Variants in PICALM observed in about 807,000 individuals in gnomAD.
PICALM encodes the protein phosphatidylinositol-binding clathrin assembly protein.
In PICALM, 40 loss-of-function variants were observed where a neutral mutation model predicts 80.5. That is an observed-to-expected ratio of 0.50 (90% CI 0.39 to 0.65). The LOEUF is 0.65. Ranked by LOEUF, PICALM falls within the 30% of genes least tolerant of loss-of-function variation. PICALM has a pLI of 0.00. For missense variants in PICALM, 676 were observed against 778.9 expected (o/e 0.87, Z 1.57); for synonymous variants, 288 against 260.3 (o/e 1.11, Z -1.02).
chr11:86,024,032 T>C (rs1320541798), intron 3 of PICALM, among the ~76,000 whole-genome samples: 1 of 152,072 alleles, frequency 6.6e-6, no homozygotes, highest in African/African-American at 2.4e-5. Flanking sequence ...CTCAGGAGGC[T>C]GAAGGGAGGA....
At chr11:85,961,632 T>C (rs753037309) in intron 19 of PICALM, among the ~76,000 whole-genome samples, 1 of 152,220 alleles carries the variant, frequency 6.6e-6, no homozygotes, top group African/African-American at 2.4e-5. Flanking sequence ...AAACCCGACA[T>C]GAACCTTTTT....
At chr11:86,024,028 A>C (rs920892229) in intron 3 of PICALM, among the ~76,000 whole-genome samples, 3 of 152,124 alleles carry the variant, frequency 2.0e-5, no homozygotes, top group Non-Finnish European at 2.9e-5. Flanking sequence ...GCTGCTCAGG[A>C]GGCTGAAGGG....
chr11:85,967,259 T>C (rs1452018672), intron 19 of PICALM, among the ~76,000 whole-genome samples: 2 of 152,370 alleles, frequency 1.3e-5, no homozygotes, highest in South Asian at 2.1e-4. Flanking sequence ...TCTTTCTGTA[T>C]ACACAGTATT....
At chr11:85,988,692 GAGA>G (rs761394868) in intron 13 of PICALM, among the ~76,000 whole-genome samples, 10 of 152,086 alleles carry the variant, frequency 6.6e-5, no homozygotes, top group Non-Finnish European at 1.3e-4. Flanking sequence ...AAAAAAGAAA[GAGA>G]AGAGGAGGAA....
At chr11:85,969,961 AGTT>A (rs2094044121) in intron 19 of PICALM, among the ~76,000 whole-genome samples, 1 of 152,256 alleles carries the variant, frequency 6.6e-6, no homozygotes, top group Admixed American at 6.5e-5. Flanking sequence ...CACCACTGCA[AGTT>A]ATTATAATGG....
chr11:85,996,781 GGA>G (rs1565340131), intron 12 of PICALM, 43 bp downstream of exon 12: 4 of 1,051,420 alleles, frequency 3.8e-6, no homozygotes, highest in Non-Finnish European at 6.0e-6. Context: ...AGAATGAGGA[GGA>G]GAGATGCATG....
intron 1 of PICALM, among the ~76,000 whole-genome samples, chr11:86,065,717 A>T (rs1252919759): frequency 6.6e-6 from 1 of 152,264 alleles, no homozygotes; most frequent in East Asian, 1.9e-4. Context: ...TTCAAGTTTG[A>T]CAACTCTTTC....
chr11:85,985,238 A>AC (rs2094542074), intron 13 of PICALM, among the ~76,000 whole-genome samples: 1 of 152,188 alleles, frequency 6.6e-6, no homozygotes. Flanking sequence ...TGTACTAGAG[A>AC]GACTGATCTC....
chr11:86,048,663 C>A (rs532011751), intron 1 of PICALM, among the ~76,000 whole-genome samples: 2 of 151,780 alleles, frequency 1.3e-5, no homozygotes, highest in African/African-American at 4.8e-5. Flanking sequence ...GAAATCCCAG[C>A]TCTACTAAAA....
At chr11:86,044,564 A>G (rs2096034878) in intron 1 of PICALM, among the ~76,000 whole-genome samples, 1 of 86,906 alleles carries the variant, frequency 1.2e-5, no homozygotes, top group Non-Finnish European at 2.3e-5. Flanking sequence ...ACTCAAAATT[A>G]CACGAGCCAT....
intron 1 of PICALM, among the ~76,000 whole-genome samples, chr11:86,064,676 A>G (rs201999662): frequency 2.0e-5 from 3 of 151,440 alleles, no homozygotes; most frequent in Non-Finnish European, 2.9e-5. Flanking sequence ...AAAAGGAGAC[A>G]TTACAGCCAT....
intron 1 of PICALM, among the ~76,000 whole-genome samples, chr11:86,044,322 A>C (rs1453371400): frequency 6.6e-5 from 10 of 152,152 alleles, no homozygotes; most frequent in Non-Finnish European, 1.5e-5. Context: ...TATGGAACTG[A>C]CCATCATGAT....
intron 7 of PICALM, among the ~76,000 whole-genome samples, chr11:86,008,954 A>G (rs1412684361): frequency 9.5e-6 from 1 of 104,886 alleles, no homozygotes; most frequent in East Asian, 2.0e-4. Flanking sequence ...AAAAAAGCCA[A>G]AAAAAAAAAA....
chr11:85,974,938 T>G (rs2094227244), intron 18 of PICALM, 126 bp from the exon 19 acceptor site: 1 of 680,316 alleles, frequency 1.5e-6, no homozygotes. Flanking sequence ...TAACTTCCTC[T>G]GAATATAAGT....
chr11:85,997,637 A>G (rs2136037085), intron 11 of PICALM, among the ~76,000 whole-genome samples: 1 of 152,222 alleles, frequency 6.6e-6, no homozygotes, highest in Admixed American at 6.5e-5. Context: ...CATCCGGCTA[A>G]TTTTTGTATT....
At chr11:86,027,952 G>GT (rs1223141726) in intron 2 of PICALM, among the ~76,000 whole-genome samples, 1 of 152,078 alleles carries the variant, frequency 6.6e-6, no homozygotes, top group Non-Finnish European at 1.5e-5. Context: ...TAAAAATATC[G>GT]TAAGACAATA....
At chr11:85,982,190 G>A (rs2094458779) in intron 14 of PICALM, 187 bp from the exon 15 acceptor site, 1 of 548,248 alleles carries the variant, frequency 1.8e-6, no homozygotes, top group Non-Finnish European at 3.3e-6. Context: ...TGACTGAGAA[G>A]GCTGTATTTG....
intron 19 of PICALM, among the ~76,000 whole-genome samples, chr11:85,959,289 G>C (rs973812569): frequency 2.0e-5 from 3 of 152,080 alleles, no homozygotes; most frequent in African/African-American, 7.2e-5. Flanking sequence ...TTGTTTTTGA[G>C]ACAGAGTCTT....
At chr11:86,066,218 C>T (rs997775515) in intron 1 of PICALM, among the ~76,000 whole-genome samples, 3 of 152,210 alleles carry the variant, frequency 2.0e-5, no homozygotes, top group Non-Finnish European at 4.4e-5. Flanking sequence ...GTTTAGTAAA[C>T]CACTCACTGG....
Sources: gnomAD v4.1 joint callset for allele counts (sites outside exome capture counted in the v4.1 genomes callset) on GRCh38, gnomAD v4.1.1 for gene constraint, MANE v1.5 for transcripts, NCBI Gene and HGNC (gene_info 2026-07-23, HGNC 2026-07-21) for gene names.